ATG13: variants seen among roughly 807,000 people sequenced by gnomAD.
The protein encoded by ATG13 is autophagy related 13, also known as autophagy-related protein 13.
Under a neutral mutation model 65.5 loss-of-function variants are expected in ATG13, and 23 were observed. That is an observed-to-expected ratio of 0.35 (90% CI 0.25 to 0.50). The LOEUF is 0.50. Ranked by LOEUF, ATG13 falls within the 20% of genes least tolerant of loss-of-function variation. The pLI, the probability that ATG13 is intolerant of heterozygous loss-of-function variation, is 0.98. For missense variants in ATG13, 566 were observed against 677.0 expected (o/e 0.84, Z 1.82); for synonymous variants, 252 against 245.2 (o/e 1.03, Z -0.26).
chr11:46,628,203 G>C (rs1200130316), intron 1 of ATG13, among the ~76,000 whole-genome samples: 1 of 151,874 alleles, frequency 6.6e-6, no homozygotes, highest in Non-Finnish European at 1.5e-5. Flanking sequence ...AGGAGTTCTA[G>C]ATCAGCTTGG....
In ATG13 at chr11:46,652,045, C is replaced by T. The variant is rs544534254; in HGVS notation, c.458+1728C>T. Among the ~76,000 whole-genome samples, 8 of 151,852 alleles carry T rather than the reference C, an allele frequency of 5.3e-5. No homozygotes were observed. In the South Asian group the frequency reaches 1.5e-3, roughly 28 times the overall value. On this transcript the variant is annotated intron_variant, in intron 7 of 18. Coordinates refer to ENST00000683050, the MANE Select transcript of ATG13 (RefSeq NM_001346311.2). Reference sequence around the variant, plus strand: ...GGGTGGTCACTTGAGGTTAGGAGTTCGAGACAAGCCTGACAACATAGCGAA... The same window carrying T: ...GGGTGGTCACTTGAGGTTAGGAGTTTGAGACAAGCCTGACAACATAGCGAA...
chr11:46,629,274 A>G (rs2050827668), intron 1 of ATG13, among the ~76,000 whole-genome samples: 1 of 152,048 alleles, frequency 6.6e-6, no homozygotes, highest in Non-Finnish European at 1.5e-5. Flanking sequence ...ACAAGAGATT[A>G]CATTTACCTT....
At chr11:46,639,790 T>TGG (rs796790527) in intron 2 of ATG13, among the ~76,000 whole-genome samples, 69 of 151,520 alleles carry the variant, frequency 4.6e-4, no homozygotes, top group African/African-American at 1.7e-3. Flanking sequence ...GGTTTCTCTG[T>TGG]GGGGGGGCCT....
At chr11:46,666,638 T>G (rs1386862147) in intron 14 of ATG13, among the ~76,000 whole-genome samples, 1 of 152,232 alleles carries the variant, frequency 6.6e-6, no homozygotes, top group Non-Finnish European at 1.5e-5. Context: ...TCAGAACGGT[T>G]AAGTGATTGG....
intron 1 of ATG13, among the ~76,000 whole-genome samples, chr11:46,626,813 A>G (rs906511712): frequency 2.0e-5 from 3 of 152,210 alleles, no homozygotes; most frequent in African/African-American, 7.2e-5. Context: ...GTATTATACT[A>G]TAAAGAAGTA....
intron 2 of ATG13, among the ~76,000 whole-genome samples, chr11:46,639,316 A>G (rs1252958335): frequency 1.3e-5 from 2 of 152,096 alleles, no homozygotes; most frequent in African/African-American, 2.4e-5. Flanking sequence ...GTTGATAGAC[A>G]TTTAGGGTGA....
chr11:46,660,772 A>T (rs539157992), intron 11 of ATG13, among the ~76,000 whole-genome samples: 5 of 150,992 alleles, frequency 3.3e-5, no homozygotes, highest in Non-Finnish European at 7.4e-5. Flanking sequence ...GCAGTGGTGC[A>T]GTCATGGGTC....
At chr11:46,621,766 A>G (rs73451825) in intron 1 of ATG13, among the ~76,000 whole-genome samples, 1,826 of 151,988 alleles carry the variant, frequency 0.012, 45 homozygotes, top group African/African-American at 0.042. Flanking sequence ...CAGGGCTTTT[A>G]CCTACCTATA....
intron 5 of ATG13, among the ~76,000 whole-genome samples, chr11:46,647,788 C>T (rs1357945426): frequency 6.6e-6 from 1 of 152,038 alleles, no homozygotes; most frequent in Admixed American, 6.6e-5. Context: ...CCCTGTACTG[C>T]CCAGGCTGGA....
intron 18 of ATG13, 67 bp from the exon 19 acceptor site, chr11:46,672,188 G>A: frequency 1.2e-6 from 2 of 1,610,570 alleles, no homozygotes; most frequent in African/African-American, 2.7e-5. Flanking sequence ...CCCTCTTCGG[G>A]ACTGGGCTGG....
intron 2 of ATG13, among the ~76,000 whole-genome samples, chr11:46,639,511 A>C (rs928102441): frequency 6.6e-6 from 1 of 152,094 alleles, no homozygotes; most frequent in African/African-American, 2.4e-5. Flanking sequence ...TATATTGCCC[A>C]GCTGTAACTG....
chr11:46,662,554 C>T (rs1291900456), intron 11 of ATG13, among the ~76,000 whole-genome samples: 1 of 152,164 alleles, frequency 6.6e-6, no homozygotes, highest in African/African-American at 2.4e-5. Context: ...CTAGATCACA[C>T]CAAATTCTTA....
At chr11:46,625,269 C>CTTTTTTTTTTTT (rs59095357) in intron 1 of ATG13, 1 of 84,384 alleles carries the variant, frequency 1.2e-5, no homozygotes, top group African/African-American at 5.2e-5. Flanking sequence ...CTTGCTCTTT[C>CTTTTTTTTTTTT]TTTTTTTTTT....
At chr11:46,652,748 AT>A (rs768190809) in intron 7 of ATG13, among the ~76,000 whole-genome samples, 6 of 152,124 alleles carry the variant, frequency 3.9e-5, no homozygotes, top group African/African-American at 4.8e-5. Context: ...AGTTTAGCAA[AT>A]TTTAAGCACT....
In ATG13 at chr11:46,644,339, T is replaced by C. The variant is rs1352692868; in HGVS notation, c.48T>C (p.Phe16=). ...AGGACAGAAAGGACCTGGACAAGTT[T>C]ATTAAATTTTTTGCCCTCAAGGTAA... is the stretch of plus-strand genomic sequence containing the variant. ...NSQDRKDLDK[F]IKFFALKTVQ... is the part of the protein sequence containing the mutation. Residue 16 remains phenylalanine (F), a synonymous_variant, in exon 3 of 19, where the codon TTT becomes TTC. Transcript: ENST00000683050. The C allele has an allele frequency of 1.2e-6, 2 of 1,611,476 alleles. No homozygotes were observed. The highest frequency in any genetic ancestry group is 1.1e-5 in the South Asian group (1 of 90,442).
In ATG13 at chr11:46,670,495, A is replaced by T. The variant is rs866652528; in HGVS notation, c.1575+963A>T. Among the ~76,000 whole-genome samples the T allele has an allele frequency of 5.8e-3, 867 of 150,372 alleles. 16 individuals are homozygous for T. Among genetic ancestry groups the T allele is most frequent in the African/African-American group, 0.021 (829 of 40,276 alleles). On this transcript the variant is annotated intron_variant, in intron 18 of 18. Coordinates refer to ENST00000683050, the MANE Select transcript of ATG13 (RefSeq NM_001346311.2). ...GACTCCATCTCAAAAAAAAAAAAAAAAAGTAATAATTACTACTACCAAGAC... is the reference window on the plus strand; with the variant it reads ...GACTCCATCTCAAAAAAAAAAAAAATAAGTAATAATTACTACTACCAAGAC...
intron 15 of ATG13, 62 bp downstream of exon 15, chr11:46,667,949 G>A: frequency 7.4e-7 from 1 of 1,358,136 alleles, no homozygotes; most frequent in Non-Finnish European, 1.0e-6. Flanking sequence ...GGCCCCACAG[G>A]CAGTTTTCTT....
chr11:46,635,821 A>T (rs944094044), intron 2 of ATG13, among the ~76,000 whole-genome samples: 18 of 152,208 alleles, frequency 1.2e-4, no homozygotes, highest in African/African-American at 4.3e-4. Flanking sequence ...GTTGTACAAA[A>T]AGTCATTGGA....
rs1415414890 is a variant in ATG13 at position 46,665,399 on chromosome 11, A to G, written c.1016A>G (p.Lys339Arg). 2 of 1,613,770 alleles carry G rather than the reference A, an allele frequency of 1.2e-6. No individual in the cohort carries two copies. The highest frequency in any genetic ancestry group is 2.7e-5 in the African/African-American group (2 of 74,928). ...TCCCCAAAGCTGATGGTTCCTGGGAAGGAAGGTGGGGTACCCCTTGCTCCC... is the reference window on the plus strand; with the variant it reads ...TCCCCAAAGCTGATGGTTCCTGGGAGGGAAGGTGGGGTACCCCTTGCTCCC... ...THPHQLMVPG[K>R]EGGVPLAPNQ... Residue 339 changes from lysine (K) to arginine (R), a missense_variant, in exon 14 of 19, where the codon AAG (lysine) becomes AGG (arginine). Around this residue, in one of 2 missense-constraint regions of ATG13, gnomAD observed 387 missense variants for 409.8 expected, o/e 0.94. Transcript: ENST00000683050.
Sources: gnomAD v4.1 joint callset for allele counts (sites outside exome capture counted in the v4.1 genomes callset) on GRCh38, gnomAD v4.1.1 for gene constraint, gnomAD v4.1.1 regional missense constraint, MANE v1.5 for transcripts, NCBI Gene and HGNC (gene_info 2026-07-23, HGNC 2026-07-21) for gene names.